The following PRKG1 variants were observed in gnomAD, a reference collection of about 807,000 sequenced individuals.
The protein encoded by PRKG1 is protein kinase cGMP-dependent 1.
In PRKG1, 35 loss-of-function variants were observed where a neutral mutation model predicts 88.1. That is an observed-to-expected ratio of 0.40 (90% CI 0.30 to 0.53). PRKG1 has a LOEUF of 0.53. Ranked by LOEUF, PRKG1 falls within the 20% of genes least tolerant of loss-of-function variation. PRKG1 has a pLI of 0.59. For missense variants in PRKG1, 540 were observed against 839.8 expected, an observed-to-expected ratio of 0.64 and a Z score of 4.41; for synonymous variants, 303 against 292.5, an observed-to-expected ratio of 1.04 and a Z score of -0.37.
At chr10:51,425,198 T>C (rs1000400804) in intron 2 of PRKG1, among the ~76,000 whole-genome samples, 9 of 152,216 alleles carry the variant, frequency 5.9e-5, no homozygotes, top group African/African-American at 2.2e-4. Context: ...AATTATGTGA[T>C]ATTTTATTTT....
intron 1 of PRKG1, among the ~76,000 whole-genome samples, chr10:50,996,528 T>C (rs1030274310): frequency 6.6e-6 from 1 of 152,210 alleles, no homozygotes; most frequent in African/African-American, 2.4e-5. Flanking sequence ...CACATGTCCA[T>C]TGGATCTGCT....
At chr10:51,372,078 AC>A (rs1700813104) in intron 2 of PRKG1, among the ~76,000 whole-genome samples, 1 of 152,162 alleles carries the variant, frequency 6.6e-6, no homozygotes, top group African/African-American at 2.4e-5. Context: ...ATAATAAAAA[AC>A]ATATGGATAA....
At chr10:51,214,633 C>A (rs944214128) in intron 2 of PRKG1, among the ~76,000 whole-genome samples, 8 of 151,828 alleles carry the variant, frequency 5.3e-5, no homozygotes, top group Admixed American at 3.9e-4. Flanking sequence ...GCTTGCCACA[C>A]CCCCAGCTAT....
At chr10:51,320,990 C>A (rs1204131659) in intron 2 of PRKG1, among the ~76,000 whole-genome samples, 1 of 152,040 alleles carries the variant, frequency 6.6e-6, no homozygotes, top group Non-Finnish European at 1.5e-5. Context: ...TTCTAGGAAG[C>A]AGATAAGGTC....
Position 51,699,240 on chromosome 10 carries a change from G to A in PRKG1, c.593-105345G>A, listed in dbSNP as rs1841397803. The stretch of plus-strand genomic sequence containing the variant: ...TCAATAATGGGCGCTGCAGGCCCAA[G>A]GCTCTTTAACTCCTCCTTATTCTTT... On this transcript the variant is annotated intron_variant, in intron 3 of 17. Transcript: ENST00000373980. 2.5e-6 allele frequency: 4 copies of A among 1,613,926 alleles called. No homozygotes were observed. The highest frequency in any genetic ancestry group is 1.6e-4 in the Middle Eastern group (1 of 6,084).
intron 5 of PRKG1, among the ~76,000 whole-genome samples, chr10:51,947,360 G>A (rs185008596): frequency 0.017 from 2,592 of 152,222 alleles, 82 homozygotes; most frequent in African/African-American, 0.059. Flanking sequence ...TCCAGGTGCC[G>A]TCTGTCACCC....
At chr10:51,594,860 T>C (rs1838402834) in intron 3 of PRKG1, among the ~76,000 whole-genome samples, 1 of 152,212 alleles carries the variant, frequency 6.6e-6, no homozygotes. Context: ...ACTACAGGAC[T>C]GCCTTGGTCT....
chr10:51,407,307 C>T (rs1449576840), intron 2 of PRKG1, among the ~76,000 whole-genome samples: 1 of 97,936 alleles, frequency 1.0e-5, no homozygotes, highest in Non-Finnish European at 2.5e-5. Flanking sequence ...ACAATAATGT[C>T]ATAATTACAC....
At chr10:52,105,681 CT>C (rs1564470948) in intron 7 of PRKG1, among the ~76,000 whole-genome samples, 1 of 151,746 alleles carries the variant, frequency 6.6e-6, no homozygotes, top group Non-Finnish European at 1.5e-5. Flanking sequence ...CGTAAGTAAA[CT>C]TGTGTCATGG....
At chr10:51,892,788 A>G (rs1394479489) in intron 4 of PRKG1, among the ~76,000 whole-genome samples, 2 of 152,168 alleles carry the variant, frequency 1.3e-5, no homozygotes, top group Non-Finnish European at 2.9e-5. Context: ...ATGCCAATAG[A>G]GCCCCATGGA....
intron 4 of PRKG1, among the ~76,000 whole-genome samples, chr10:51,843,082 G>A (rs1840316392): frequency 7.1e-6 from 1 of 141,790 alleles, no homozygotes. Flanking sequence ...TTTAAATTTA[G>A]GAAAATTATT....
chr10:51,728,824 G>A (rs1842203511), intron 3 of PRKG1, among the ~76,000 whole-genome samples: 1 of 152,202 alleles, frequency 6.6e-6, no homozygotes, highest in South Asian at 2.1e-4. Flanking sequence ...CAAGTTGCCA[G>A]TGTGTCACAA....
rs542161803 is a variant in PRKG1, at chr10:51,681,550, C to A, written c.593-123035C>A. Reference sequence around the variant, plus strand: ...CTCCTTAAAAAAACCCCTCAGATTTCTCTCTTATATCTCTAACATTGGATT... The same window carrying A: ...CTCCTTAAAAAAACCCCTCAGATTTATCTCTTATATCTCTAACATTGGATT... On this transcript the variant is annotated intron_variant, in intron 3 of 17. Transcript: ENST00000373980. Among the ~76,000 whole-genome samples the A allele has an allele frequency of 1.2e-3, 176 of 152,234 alleles. 2 individuals carry two copies. The Middle Eastern group carries it at 0.038, about 33-fold the overall frequency.
At chr10:52,284,175 A>C (rs1842061451) in intron 14 of PRKG1, among the ~76,000 whole-genome samples, 1 of 152,070 alleles carries the variant, frequency 6.6e-6, no homozygotes, top group Non-Finnish European at 1.5e-5. Context: ...GATTTAAAAT[A>C]AAAAGTCTAA....
chr10:51,891,348 C>T (rs942824226), intron 4 of PRKG1, among the ~76,000 whole-genome samples: 2 of 152,190 alleles, frequency 1.3e-5, no homozygotes, highest in Non-Finnish European at 2.9e-5. Context: ...CACTTCAATA[C>T]ATGAGTTTTT....
intron 2 of PRKG1, among the ~76,000 whole-genome samples, chr10:51,185,330 T>C (rs1250622752): frequency 6.6e-6 from 1 of 152,100 alleles, no homozygotes; most frequent in Non-Finnish European, 1.5e-5. Context: ...TTAGACAAGA[T>C]TTTTATTTTG....
intron 8 of PRKG1, among the ~76,000 whole-genome samples, chr10:52,153,873 G>C (rs1458395415): frequency 6.6e-6 from 1 of 152,052 alleles, no homozygotes; most frequent in African/African-American, 2.4e-5. Flanking sequence ...AGCCTCCTGA[G>C]TAGCTGGGAT....
At chr10:51,107,063 G>C (rs1389882796) in intron 1 of PRKG1, among the ~76,000 whole-genome samples, 1 of 152,194 alleles carries the variant, frequency 6.6e-6, no homozygotes, top group African/African-American at 2.4e-5. Flanking sequence ...AATTTAGACT[G>C]GAGAGTCTGG....
chr10:51,083,514 GTTT>G (rs11419106), intron 1 of PRKG1, among the ~76,000 whole-genome samples: 3 of 146,068 alleles, frequency 2.1e-5, no homozygotes, highest in African/African-American at 7.6e-5. Flanking sequence ...GCCAGCTACA[GTTT>G]TTTTTTTTTT....
Sources: gnomAD v4.1 joint callset for allele counts (sites outside exome capture counted in the v4.1 genomes callset) on GRCh38, gnomAD v4.1.1 for gene constraint, MANE v1.5 for transcripts, NCBI Gene and HGNC (gene_info 2026-07-23, HGNC 2026-07-21) for gene names.